TSPAN18: variants seen among roughly 807,000 people sequenced by gnomAD.
The protein encoded by TSPAN18 is tetraspanin-18.
TSPAN18 carries 14 observed loss-of-function variants against 27.3 expected under a neutral mutation model. The observed-to-expected ratio is 0.51, with a 90% confidence interval of 0.34 to 0.80. TSPAN18 has a LOEUF of 0.80. Ranked by LOEUF, TSPAN18 falls within the 30% of genes least tolerant of loss-of-function variation. The probability of loss-of-function intolerance (pLI) is 0.01; values close to 1 mark genes in which losing one functional copy is unlikely to be tolerated. For synonymous variants in TSPAN18, 143 were observed against 136.5 expected (o/e 1.05, Z -0.33); for missense variants, 268 against 323.9 (o/e 0.83, Z 1.32).
intron 1 of TSPAN18, among the ~76,000 whole-genome samples, chr11:44,763,930 A>G (rs1590433193): frequency 6.6e-6 from 1 of 152,270 alleles, no homozygotes; most frequent in East Asian, 1.9e-4. Flanking sequence ...TAATTGGCTC[A>G]CAGTTCTATA....
chr11:44,899,242 C>T (rs1301656021), intron 3 of TSPAN18, among the ~76,000 whole-genome samples: 1 of 152,214 alleles, frequency 6.6e-6, no homozygotes, highest in East Asian at 1.9e-4. Flanking sequence ...ATAGCATGTT[C>T]GTTTTTGTTC....
chr11:44,906,796 G>A (rs1314696257), intron 4 of TSPAN18, among the ~76,000 whole-genome samples: 1 of 152,200 alleles, frequency 6.6e-6, no homozygotes, highest in Non-Finnish European at 1.5e-5. Context: ...GGAGGGGATG[G>A]GGGTGATCAG....
At chr11:44,836,091 G>A (rs1857258321) in intron 2 of TSPAN18, among the ~76,000 whole-genome samples, 1 of 152,204 alleles carries the variant, frequency 6.6e-6, no homozygotes, top group Non-Finnish European at 1.5e-5. Context: ...AAGTGCTCAA[G>A]TGAAAGGAGG....
At chr11:44,860,020 A>AC (rs1857835690) in intron 2 of TSPAN18, among the ~76,000 whole-genome samples, 1 of 152,204 alleles carries the variant, frequency 6.6e-6, no homozygotes, top group Non-Finnish European at 1.5e-5. Context: ...AAATCATGAA[A>AC]CATTTGCTGA....
intron 2 of TSPAN18, among the ~76,000 whole-genome samples, chr11:44,803,508 G>GTT (rs969913238): frequency 2.0e-5 from 3 of 152,198 alleles, no homozygotes; most frequent in Non-Finnish European, 4.4e-5. Context: ...GAGTCTGAAG[G>GTT]TTTTGGACCA....
chr11:44,891,267 C>T (rs1409834421), intron 3 of TSPAN18, among the ~76,000 whole-genome samples: 1 of 152,158 alleles, frequency 6.6e-6, no homozygotes, highest in Non-Finnish European at 1.5e-5. Context: ...CCTCACGAGA[C>T]TGCCGAAGGG....
At chr11:44,911,504 G>A (rs112011084) in intron 5 of TSPAN18, among the ~76,000 whole-genome samples, 306 of 152,288 alleles carry the variant, frequency 2.0e-3, no homozygotes, top group African/African-American at 7.1e-3. Flanking sequence ...AAAACTTTGA[G>A]CGCCCCCTGG....
intron 9 of TSPAN18, 138 bp from the exon 10 acceptor site, chr11:44,928,993 G>T (rs900295227): frequency 7.2e-6 from 8 of 1,112,282 alleles, no homozygotes; most frequent in Non-Finnish European, 1.1e-5. Flanking sequence ...GCTGGCCCCA[G>T]GGGAATGTCA....
chr11:44,762,327 C>T (rs1467156821), intron 1 of TSPAN18, among the ~76,000 whole-genome samples: 1 of 152,212 alleles, frequency 6.6e-6, no homozygotes, highest in African/African-American at 2.4e-5. Context: ...CCATTTTGGA[C>T]ATGATATCAT....
chr11:44,835,943 T>C (rs1857255792), intron 2 of TSPAN18, among the ~76,000 whole-genome samples: 3 of 152,170 alleles, frequency 2.0e-5, no homozygotes, highest in African/African-American at 7.2e-5. Context: ...GTGGATTTAA[T>C]TAATAAATGC....
intron 3 of TSPAN18, among the ~76,000 whole-genome samples, chr11:44,884,712 G>A (rs1858591907): frequency 2.0e-5 from 3 of 152,300 alleles, no homozygotes; most frequent in South Asian, 4.1e-4. Context: ...ATGACACTGG[G>A]AGGTGGGTGC....
chr11:44,839,541 T>C (rs1297847742), intron 2 of TSPAN18, among the ~76,000 whole-genome samples: 1 of 152,150 alleles, frequency 6.6e-6, no homozygotes, highest in African/African-American at 2.4e-5. Context: ...TGCAAACTCC[T>C]CTGCCATTCT....
intron 9 of TSPAN18, 132 bp downstream of exon 9, chr11:44,926,889 T>C (rs1590707118): frequency 1.1e-6 from 1 of 876,950 alleles, no homozygotes; most frequent in Non-Finnish European, 1.8e-6. Flanking sequence ...GTGGGTGCTA[T>C]GGGGTGGTAA....
chr11:44,924,756 G>T (rs191192808), intron 8 of TSPAN18, among the ~76,000 whole-genome samples: 3 of 146,850 alleles, frequency 2.0e-5, no homozygotes, highest in Non-Finnish European at 4.4e-5. Context: ...TCACATGGGA[G>T]GGGGGAGGGA....
chr11:44,824,249 G>A (rs1158136380), intron 2 of TSPAN18, among the ~76,000 whole-genome samples: 4 of 152,182 alleles, frequency 2.6e-5, no homozygotes, highest in African/African-American at 7.2e-5. Flanking sequence ...ACCCCTCCTA[G>A]CTGTCACTAT....
At chr11:44,897,701 G>A in intron 3 of TSPAN18, 1 of 1,197,160 alleles carries the variant, frequency 8.4e-7, no homozygotes, top group Non-Finnish European at 1.1e-6. Flanking sequence ...TCATGGGGCT[G>A]CTCTTTATTG....
chr11:44,915,286 C>T (rs1427130362), intron 5 of TSPAN18, among the ~76,000 whole-genome samples: 1 of 152,180 alleles, frequency 6.6e-6, no homozygotes, highest in Non-Finnish European at 1.5e-5. Context: ...TGCCAGGACC[C>T]CTGCCAGCGG....
intron 1 of TSPAN18, among the ~76,000 whole-genome samples, chr11:44,729,752 A>G (rs1854606469): frequency 1.3e-5 from 2 of 152,188 alleles, no homozygotes; most frequent in South Asian, 4.1e-4. Flanking sequence ...GGCTGAGTCC[A>G]GGAAGGAACC....
chr11:44,832,182 C>T (rs1425817023), intron 2 of TSPAN18, among the ~76,000 whole-genome samples: 1 of 152,190 alleles, frequency 6.6e-6, no homozygotes, highest in Non-Finnish European at 1.5e-5. Flanking sequence ...CATCGCTCGA[C>T]CCCAGTGGCT....
Sources: gnomAD v4.1 joint callset for allele counts (sites outside exome capture counted in the v4.1 genomes callset) on GRCh38, gnomAD v4.1.1 for gene constraint, MANE v1.5 for transcripts, NCBI Gene and HGNC (gene_info 2026-07-23, HGNC 2026-07-21) for gene names.